Variants in ANKDD1A observed in about 807,000 individuals in gnomAD.
The protein encoded by ANKDD1A is ankyrin repeat and death domain-containing protein 1A.
Under a neutral mutation model 63.5 loss-of-function variants are expected in ANKDD1A, and 59 were observed. The ratio of observed to expected loss-of-function variants is 0.93; its 90% CI spans 0.75 to 1.15. The LOEUF (loss-of-function observed/expected upper bound fraction) is 1.15, where lower values mean the gene tolerates loss of function less well. Ranked by LOEUF, ANKDD1A falls within the 50% of genes most tolerant of loss-of-function variation. The probability of loss-of-function intolerance (pLI) is 0.00; values close to 1 mark genes in which losing one functional copy is unlikely to be tolerated. For missense variants in ANKDD1A, 632 were observed against 656.4 expected (o/e 0.96, Z 0.41); for synonymous variants, 266 against 263.9 (o/e 1.01, Z -0.08).
At chr15:64,954,203 T>A (rs2140392690) in intron 14 of ANKDD1A, among the ~76,000 whole-genome samples, 1 of 9,020 alleles carries the variant, frequency 1.1e-4, no homozygotes, top group Non-Finnish European at 2.8e-4. Context: ...TCTTGTTCCT[T>A]ATTCTTTTCT....
rs1003167009 is a variant in ANKDD1A, at chr15:64,944,731, T to G, written c.1145T>G (p.Phe382Cys). The G allele has an allele frequency of 3.1e-6, 5 of 1,613,974 alleles. No individual in the cohort carries two copies. The African/African-American group carries it at 6.7e-5, about 22-fold the overall frequency. ...GACATGATCATAAAAGCTGATCGTT[T>G]CTACAGATGGGAGAAGGTACGGAGG... Reference protein sequence around the residue: ...LVDMIIKADRFYRWEKDHPSD... With the variant: ...LVDMIIKADRCYRWEKDHPSD... Residue 382 changes from phenylalanine (F) to cysteine (C), a missense_variant, in exon 12 of 15, where the codon TTC becomes TGC. Coordinates refer to ENST00000319580, the MANE Select transcript of ANKDD1A (RefSeq NM_182703.6).
intron 9 of ANKDD1A, among the ~76,000 whole-genome samples, chr15:64,938,541 T>A (rs187909708): frequency 3.0e-4 from 46 of 152,156 alleles, no homozygotes; most frequent in African/African-American, 1.1e-3. Context: ...AATGTCAAGG[T>A]CATGAAAAAC....
At chr15:64,950,991 C>T (rs2085265429) in intron 14 of ANKDD1A, 1 of 1,271,498 alleles carries the variant, frequency 7.9e-7, no homozygotes, top group East Asian at 6.1e-5. Context: ...CCCCGAGTGC[C>T]CCCAGGAGGT....
intron 11 of ANKDD1A, 147 bp from the exon 12 acceptor site, chr15:64,944,505 C>G (rs2085208714): frequency 1.6e-6 from 1 of 637,922 alleles, no homozygotes; most frequent in Non-Finnish European, 2.7e-6. Context: ...CCCCTTCATG[C>G]CCAGAAAACC....
chr15:64,934,915 G>C (rs932989327), intron 9 of ANKDD1A, among the ~76,000 whole-genome samples: 1 of 152,040 alleles, frequency 6.6e-6, no homozygotes, highest in African/African-American at 2.4e-5. Context: ...CACAGGAACT[G>C]TATAATCTTT....
intron 14 of ANKDD1A, among the ~76,000 whole-genome samples, chr15:64,953,610 C>CTCTTCTTCT (rs2085349465): frequency 2.0e-4 from 1 of 4,930 alleles, no homozygotes; most frequent in Admixed American, 3.5e-3. Context: ...CTTCTTTCTT[C>CTCTTCTTCT]TCTCCTTCTT....
intron 14 of ANKDD1A, among the ~76,000 whole-genome samples, chr15:64,953,673 T>TTTCCTCTTCTC (rs1595860445): frequency 3.9e-5 from 3 of 76,914 alleles, no homozygotes; most frequent in African/African-American, 1.1e-4. Flanking sequence ...TTCTTCTCCT[T>TTTCCTCTTCTC]CTTTTCTTCT....
chr15:64,954,695 GTTCTTCTCCTTC>G (rs1386792554), intron 14 of ANKDD1A, among the ~76,000 whole-genome samples: 13 of 113,016 alleles, frequency 1.2e-4, no homozygotes, highest in African/African-American at 4.4e-4. Context: ...CCTTCTCCTT[GTTCTTCTCCTTC>G]TTCTTCTCCT....
At chr15:64,941,693 T>G (rs28406502) in intron 9 of ANKDD1A, among the ~76,000 whole-genome samples, 7,112 of 152,250 alleles carry the variant, frequency 0.047, 573 homozygotes, top group African/African-American at 0.16. Flanking sequence ...TAGTTTCTAG[T>G]ATCAATTTTA....
intron 14 of ANKDD1A, chr15:64,950,320 A>T: frequency 1.0e-6 from 1 of 985,406 alleles, no homozygotes; most frequent in Non-Finnish European, 1.2e-6. Flanking sequence ...GACTTTTTTC[A>T]CAAACATTAA....
chr15:64,929,052 C>T (rs1317865611), intron 6 of ANKDD1A, among the ~76,000 whole-genome samples: 3 of 152,258 alleles, frequency 2.0e-5, no homozygotes, highest in African/African-American at 4.8e-5. Context: ...CATTTCCCAC[C>T]GCTTGTCCTG....
At chr15:64,913,061 A>G (rs1338737332) in intron 1 of ANKDD1A, among the ~76,000 whole-genome samples, 1 of 152,140 alleles carries the variant, frequency 6.6e-6, no homozygotes, top group African/African-American at 2.4e-5. Context: ...ACTTGATTTC[A>G]TTCTAACTTA....
chr15:64,951,855 TTCTTCC>T (rs1251701538), intron 14 of ANKDD1A, among the ~76,000 whole-genome samples: 5 of 29,072 alleles, frequency 1.7e-4, no homozygotes, highest in East Asian at 0.022. Context: ...TTCTTCTTTC[TTCTTCC>T]TCTTCTTTTT....
intron 14 of ANKDD1A, among the ~76,000 whole-genome samples, chr15:64,952,807 TCTCCTCCTTCTTC>T (rs796995161): frequency 5.8e-4 from 84 of 145,222 alleles, no homozygotes; most frequent in African/African-American, 1.1e-3. Flanking sequence ...TTCTTCTCCT[TCTCCTCCTTCTTC>T]CTCCTCCTTC....
intron 9 of ANKDD1A, among the ~76,000 whole-genome samples, chr15:64,936,350 C>G (rs377615922): frequency 1.3e-5 from 2 of 152,200 alleles, no homozygotes; most frequent in African/African-American, 4.8e-5. Context: ...AATCCTGATG[C>G]CAGCCCAGTG....
rs142085847 is a variant in ANKDD1A, at chr15:64,927,110, C to T, written c.570+111C>T. 8,068 of 1,092,154 alleles carry T rather than the reference C, an allele frequency of 7.4e-3. 51 individuals are homozygous for T. The highest frequency in any genetic ancestry group is 1.0e-2 in the Non-Finnish European group (7,278 of 728,232). 67.7% of individuals were successfully genotyped at this position (1,092,154 alleles called of 1,614,324 possible). A position where few individuals can be genotyped will look rare whatever the true frequency, so the allele number is the denominator to read the frequency against. ...TCTGACTCCGATTGCGCTGGAGGCC[C>T]GTGTGGCCCAAAGATGAGAGTGTAT... On this transcript the variant is annotated intron_variant, in intron 6 of 14. Transcript: ENST00000319580.
At chr15:64,946,981 T>C (rs2085228181) in intron 12 of ANKDD1A, among the ~76,000 whole-genome samples, 1 of 152,222 alleles carries the variant, frequency 6.6e-6, no homozygotes. Flanking sequence ...TACTACCCCT[T>C]GTGATTCAGC....
intron 9 of ANKDD1A, among the ~76,000 whole-genome samples, chr15:64,940,431 GATAT>G (rs1555442480): frequency 0.3 from 33,742 of 111,948 alleles, 4,321 homozygotes; most frequent in South Asian, 0.41. Context: ...TAGATAGATA[GATAT>G]ATAGATATTT....
chr15:64,952,810 CCTCCTTCTT>C (rs1566917055), intron 14 of ANKDD1A, among the ~76,000 whole-genome samples: 9 of 140,880 alleles, frequency 6.4e-5, no homozygotes, highest in Non-Finnish European at 1.2e-4. Context: ...TTCTCCTTCT[CCTCCTTCTT>C]CCTCCTCCTT....
Sources: gnomAD v4.1 joint callset for allele counts (sites outside exome capture counted in the v4.1 genomes callset) on GRCh38, gnomAD v4.1.1 for gene constraint, MANE v1.5 for transcripts, NCBI Gene and HGNC (gene_info 2026-07-23, HGNC 2026-07-21) for gene names.